CAMKMT: variants seen among roughly 807,000 people sequenced by gnomAD.
The protein encoded by CAMKMT is calmodulin-lysine N-methyltransferase.
A neutral mutation model predicts 48.0 loss-of-function variants in CAMKMT; 53 were observed. The observed-to-expected ratio is 1.10, with a 90% CI of 0.89 to 1.39. The LOEUF is 1.39. Among genes scored for constraint, CAMKMT ranks in the 40% most tolerant of loss-of-function variants. CAMKMT has a pLI of 0.00. For missense variants in CAMKMT, 428 were observed against 402.7 expected (o/e 1.06, Z -0.54); for synonymous variants, 165 against 152.3 (o/e 1.08, Z -0.61).
intron 3 of CAMKMT, among the ~76,000 whole-genome samples, chr2:44,688,529 C>A (rs939456220): frequency 2.6e-5 from 4 of 151,924 alleles, no homozygotes; most frequent in Non-Finnish European, 5.9e-5. Flanking sequence ...TTTTAGCAAT[C>A]TGAATGTCAT....
intron 3 of CAMKMT, among the ~76,000 whole-genome samples, chr2:44,468,166 T>C (rs1668227951): frequency 6.6e-6 from 1 of 151,892 alleles, no homozygotes; most frequent in Non-Finnish European, 1.5e-5. Context: ...AAAAAGCAAA[T>C]AATCTAACAA....
At chr2:44,558,344 G>A (rs149725451) in intron 3 of CAMKMT, among the ~76,000 whole-genome samples, 25 of 152,278 alleles carry the variant, frequency 1.6e-4, no homozygotes, top group African/African-American at 6.0e-4. Flanking sequence ...CTGGATAATT[G>A]TCGGTTTTCT....
intron 3 of CAMKMT, among the ~76,000 whole-genome samples, chr2:44,496,005 A>C (rs1334573915): frequency 6.6e-6 from 1 of 152,158 alleles, no homozygotes; most frequent in East Asian, 1.9e-4. Context: ...TTAAATACAG[A>C]GTATTTAGTT....
intron 3 of CAMKMT, among the ~76,000 whole-genome samples, chr2:44,504,167 A>C (rs1008435899): frequency 2.6e-5 from 4 of 152,014 alleles, no homozygotes; most frequent in African/African-American, 9.7e-5. Flanking sequence ...TCAACATATT[A>C]ATTTTGAGGG....
At chr2:44,512,625 A>G (rs1221352117) in intron 3 of CAMKMT, among the ~76,000 whole-genome samples, 1 of 152,250 alleles carries the variant, frequency 6.6e-6, no homozygotes, top group Non-Finnish European at 1.5e-5. Flanking sequence ...TTTCTAAACT[A>G]CAATAAATTA....
At chr2:44,394,966 C>T (rs1681692420) in intron 3 of CAMKMT, 1 of 454,520 alleles carries the variant, frequency 2.2e-6, no homozygotes, top group Non-Finnish European at 4.4e-6. Context: ...TGAGGCAAGC[C>T]TGGGCAATAT....
At chr2:44,715,082 A>T (rs1239272267) in intron 6 of CAMKMT, among the ~76,000 whole-genome samples, 1 of 151,848 alleles carries the variant, frequency 6.6e-6, no homozygotes, top group Non-Finnish European at 1.5e-5. Flanking sequence ...AGTCCCAGCT[A>T]CTAGGGAGGC....
At chr2:44,553,689 G>A (rs1365395031) in intron 3 of CAMKMT, among the ~76,000 whole-genome samples, 2 of 152,120 alleles carry the variant, frequency 1.3e-5, no homozygotes, top group Admixed American at 6.6e-5. Context: ...TTAGAAATGT[G>A]CTCTGAGACT....
chr2:44,529,038 A>C (rs1247433098), intron 3 of CAMKMT, among the ~76,000 whole-genome samples: 2 of 152,142 alleles, frequency 1.3e-5, no homozygotes, highest in African/African-American at 4.8e-5. Context: ...TAGTTGGACT[A>C]TTTCTATAAA....
At chr2:44,442,790 T>A (rs1401732274) in intron 3 of CAMKMT, among the ~76,000 whole-genome samples, 1 of 152,214 alleles carries the variant, frequency 6.6e-6, no homozygotes, top group Non-Finnish European at 1.5e-5. Context: ...ATCACTTTAT[T>A]TGTCTGTCAT....
intron 3 of CAMKMT, among the ~76,000 whole-genome samples, chr2:44,663,299 A>G (rs1224898340): frequency 1.3e-5 from 2 of 152,204 alleles, no homozygotes; most frequent in African/African-American, 4.8e-5. Flanking sequence ...CCACCTGAGA[A>G]GAGATGTTCT....
At position 44,370,211 on chromosome 2, in the gene CAMKMT, G is replaced by C. The variant is rs192967617; in HGVS notation, c.139-2505G>C. Among the ~76,000 whole-genome samples the C allele has an allele frequency of 4.6e-4, 70 of 152,306 alleles. No individual in the cohort carries two copies. The South Asian group carries it at 5.0e-3, about 11-fold the overall frequency. On this transcript the variant is annotated intron_variant, in intron 1 of 10. Transcript: ENST00000378494. ...TCACGTAGTAGGTATCTATCCCATA[G>C]TGTTGTTTGAGTATTTAATGAAGAA...
chr2:44,493,008 C>T (rs1342554034), intron 3 of CAMKMT, among the ~76,000 whole-genome samples: 1 of 151,900 alleles, frequency 6.6e-6, no homozygotes, highest in South Asian at 2.1e-4. Context: ...ATTCTCCTGC[C>T]TCAGCCTCCT....
intron 3 of CAMKMT, among the ~76,000 whole-genome samples, chr2:44,567,753 T>C (rs1668694029): frequency 6.6e-6 from 1 of 151,972 alleles, no homozygotes; most frequent in Non-Finnish European, 1.5e-5. Context: ...AGCACAACTT[T>C]TGGCAGAATC....
intron 3 of CAMKMT, among the ~76,000 whole-genome samples, chr2:44,674,436 G>A (rs1675550800): frequency 6.6e-6 from 1 of 152,160 alleles, no homozygotes; most frequent in Non-Finnish European, 1.5e-5. Flanking sequence ...CACATAGCTG[G>A]GGTTCGAAAA....
At chr2:44,596,503 C>T (rs12615601) in intron 3 of CAMKMT, among the ~76,000 whole-genome samples, 94,326 of 151,962 alleles carry the variant, frequency 0.62, 29,796 homozygotes, top group Middle Eastern at 0.7. Context: ...TTCTTACATC[C>T]ATCACAGACC....
At chr2:44,487,031 T>C (rs955107710) in intron 3 of CAMKMT, among the ~76,000 whole-genome samples, 1 of 152,246 alleles carries the variant, frequency 6.6e-6, no homozygotes, top group Non-Finnish European at 1.5e-5. Flanking sequence ...CAGCACTGAA[T>C]ATTAGGATGA....
At chr2:44,573,794 T>G (rs1449967981) in intron 3 of CAMKMT, among the ~76,000 whole-genome samples, 2 of 152,226 alleles carry the variant, frequency 1.3e-5, no homozygotes, top group African/African-American at 4.8e-5. Flanking sequence ...TATTCATTTG[T>G]TCAAACCAAA....
At chr2:44,682,156 G>A (rs1676055219) in intron 3 of CAMKMT, among the ~76,000 whole-genome samples, 1 of 152,178 alleles carries the variant, frequency 6.6e-6, no homozygotes, top group South Asian at 2.1e-4. Flanking sequence ...TAACTGTAAT[G>A]TATTTGAAAA....
Sources: allele counts gnomAD v4.1 joint callset (sites outside exome capture counted in the v4.1 genomes callset), GRCh38; gene constraint gnomAD v4.1.1; transcripts MANE v1.5; gene names NCBI Gene and HGNC (gene_info 2026-07-23, HGNC 2026-07-21).